Variants in RPA2 observed in about 807,000 individuals in gnomAD.
RPA2 encodes replication protein A 32 kDa subunit.
In RPA2, 22 loss-of-function variants were observed where a neutral mutation model predicts 33.4. The ratio of observed to expected loss-of-function variants is 0.66; its 90% CI spans 0.47 to 0.94. The LOEUF is 0.94. Among genes scored for constraint, RPA2 ranks in the 40% least tolerant of loss-of-function variants. The pLI is 0.00. For synonymous variants in RPA2, 109 were observed against 114.9 expected (o/e 0.95, Z 0.33); for missense variants, 279 against 329.9 (o/e 0.85, Z 1.19).
At chr1:27,899,291 G>A (rs566826045) in intron 4 of RPA2, among the ~76,000 whole-genome samples, 1 of 151,784 alleles carries the variant, frequency 6.6e-6, no homozygotes, top group Non-Finnish European at 1.5e-5. Context: ...GGCGGATCAC[G>A]AGGTCAGGAG....
chr1:27,906,441 C>A (rs7520860), intron 4 of RPA2, among the ~76,000 whole-genome samples: 65,943 of 151,870 alleles, frequency 0.43, 14,877 homozygotes, highest in African/African-American at 0.57. Context: ...GTAATAATCC[C>A]AGCACTTTGG....
At chr1:27,901,702 A>C (rs1441793028) in intron 4 of RPA2, among the ~76,000 whole-genome samples, 1 of 152,192 alleles carries the variant, frequency 6.6e-6, no homozygotes, top group African/African-American at 2.4e-5. Flanking sequence ...AACAAAAAAA[A>C]CAAACTTTGG....
chr1:27,895,719 A>C (rs1055569638), intron 6 of RPA2, among the ~76,000 whole-genome samples: 1 of 152,198 alleles, frequency 6.6e-6, no homozygotes, highest in African/African-American at 2.4e-5. Flanking sequence ...CGAAAGAGCG[A>C]GACTCTGTCT....
At chr1:27,902,354 G>A (rs757637469) in intron 4 of RPA2, among the ~76,000 whole-genome samples, 9 of 148,716 alleles carry the variant, frequency 6.1e-5, no homozygotes, top group East Asian at 2.0e-4. Context: ...GAAGATCTCC[G>A]CTTACTGTAA....
intron 2 of RPA2, among the ~76,000 whole-genome samples, chr1:27,910,142 G>A (rs1485601514): frequency 1.3e-5 from 2 of 152,164 alleles, no homozygotes; most frequent in African/African-American, 4.8e-5. Context: ...AAAGTGGCAA[G>A]AACATGAGGT....
intron 8 of RPA2, among the ~76,000 whole-genome samples, chr1:27,893,711 G>A (rs760027314): frequency 3.3e-5 from 5 of 151,944 alleles, no homozygotes; most frequent in Admixed American, 1.3e-4. Flanking sequence ...GGATTCATGC[G>A]ATTCTCTTGC....
rs1458496368 is a variant in RPA2, at chr1:27,906,944, T to C, written c.317A>G (p.Gln106Arg). ...DMTAAPMDVR[Q>R]WVDTDDTSSE... is the part of the protein sequence containing the mutation. The stretch of plus-strand genomic sequence containing the variant: ...GCCACTTACATCTGTGTCAACCCAC[T>C]GGCGAACGTCCATGGGTGCAGCTGT... The change falls in exon 4 of 9, where the codon CAG (glutamine) becomes CGG (arginine). Residue 106 changes from glutamine (Q) to arginine (R), a missense_variant. Around this residue, in one of 2 missense-constraint regions of RPA2, gnomAD observed 274 missense variants for 310.3 expected, o/e 0.88. Coordinates refer to ENST00000373912, the MANE Select transcript of RPA2 (RefSeq NM_002946.5). The C allele has an allele frequency of 1.9e-6, 3 of 1,612,846 alleles. No individual in the cohort carries two copies. Among genetic ancestry groups the C allele is most frequent in the African/African-American group, 1.3e-5 (1 of 74,874 alleles).
intron 8 of RPA2, among the ~76,000 whole-genome samples, chr1:27,893,467 G>A (rs1450659729): frequency 2.6e-5 from 4 of 151,956 alleles, no homozygotes; most frequent in Non-Finnish European, 5.9e-5. Flanking sequence ...CACTGTGCCC[G>A]GCTAATTTGT....
In RPA2 at chr1:27,906,976, A is replaced by G. The variant is rs1252916167; in HGVS notation, c.285T>C (p.Asp95=). 1.7e-5 allele frequency: 28 copies of G among 1,613,960 alleles called. No individual in the cohort carries two copies. Among genetic ancestry groups the G allele is most frequent in the Non-Finnish European group, 2.3e-5 (27 of 1,180,008 alleles). Residue 95 remains aspartate (D), a synonymous_variant, in exon 4 of 9, where the codon GAT becomes GAC. Coordinates refer to ENST00000373912, the MANE Select transcript of RPA2 (RefSeq NM_002946.5). ...CGTCCATGGGTGCAGCTGTCATGTC[A>G]TCTATTTTGTAAACAATGTTGGTTG... ...KAPTNIVYKI[D]DMTAAPMDVR...
chr1:27,914,028 G>C, intron 2 of RPA2, 35 bp downstream of exon 2: 1 of 1,534,260 alleles, frequency 6.5e-7, no homozygotes, highest in South Asian at 1.3e-5. Flanking sequence ...CTTCAGGACA[G>C]GATAAAACAA....
intron 2 of RPA2, among the ~76,000 whole-genome samples, chr1:27,909,878 T>G (rs2090076872): frequency 6.6e-6 from 1 of 152,220 alleles, no homozygotes; most frequent in African/African-American, 2.4e-5. Flanking sequence ...TAGCTATTAT[T>G]ATATTAGCTA....
chr1:27,909,841 C>T (rs1234377541), intron 2 of RPA2, among the ~76,000 whole-genome samples: 1 of 152,158 alleles, frequency 6.6e-6, no homozygotes, highest in East Asian at 1.9e-4. Flanking sequence ...GAATACTACC[C>T]AGCACAAAGC....
chr1:27,899,656 A>G (rs750005462), intron 4 of RPA2, among the ~76,000 whole-genome samples: 2 of 152,118 alleles, frequency 1.3e-5, no homozygotes, highest in Non-Finnish European at 2.9e-5. Context: ...TTATAATAAA[A>G]GAAACCATAG....
intron 2 of RPA2, among the ~76,000 whole-genome samples, chr1:27,912,230 A>T (rs1040828218): frequency 2.0e-5 from 3 of 152,104 alleles, no homozygotes; most frequent in African/African-American, 7.2e-5. Context: ...TCACATTTAT[A>T]AAATGAAATT....
At chr1:27,893,252 C>T (rs2089846916) in intron 8 of RPA2, among the ~76,000 whole-genome samples, 1 of 152,160 alleles carries the variant, frequency 6.6e-6, no homozygotes, top group South Asian at 2.1e-4. Flanking sequence ...GGCCCATAGT[C>T]TTTTTCCTAT....
intron 4 of RPA2, among the ~76,000 whole-genome samples, chr1:27,903,136 C>T (rs1015410549): frequency 3.3e-5 from 5 of 151,964 alleles, no homozygotes; most frequent in East Asian, 3.9e-4. Context: ...ACCATGTTGG[C>T]GGTGCCGGTC....
Position 27,914,418 on chromosome 1 carries a change from G to C in RPA2, c.10+16C>G. ...TGCGATTCTCTTCCTCCTCCACCCC[G>C]CACCCCCATCATTACTGTTCCACAT... On this transcript the variant is annotated intron_variant, in intron 1 of 8. Transcript: ENST00000373912. 6.2e-7 allele frequency: 1 copy of C among 1,607,836 alleles called. No homozygotes were observed. The highest frequency in any genetic ancestry group is 1.7e-4 in the Middle Eastern group (1 of 6,022).
chr1:27,891,977 C>T lies in RPA2; in HGVS notation c.*186G>A. 1 of 528,024 alleles carries T rather than the reference C, an allele frequency of 1.9e-6. No homozygotes were observed. 32.7% of individuals were successfully genotyped at this position (528,024 alleles called of 1,614,324 possible). A position where few individuals can be genotyped will look rare whatever the true frequency, so the allele number is the denominator to read the frequency against. ...ATCCCTGTCAATTGCCCATCTCCCT[C>T]TGAGCTTCAAACAAAACAAAATAAA... On this transcript the variant is annotated 3_prime_UTR_variant, in exon 9 of 9. Coordinates refer to ENST00000373912, the MANE Select transcript of RPA2 (RefSeq NM_002946.5).
Position 27,891,590 on chromosome 1 carries a change from G to A in RPA2, c.*573C>T, listed in dbSNP as rs148647706. The A allele has an allele frequency of 1.3e-5, 2 of 152,392 alleles. No individual in the cohort carries two copies. The highest frequency in any genetic ancestry group is 4.8e-5 in the African/African-American group (2 of 41,422). 9.4% of individuals were successfully genotyped at this position (152,392 alleles called of 1,614,324 possible). On this transcript the variant is annotated 3_prime_UTR_variant, in exon 9 of 9. Transcript: ENST00000373912. ...TGACTGTATTTATTTTGTACAAAAT[G>A]CAGTAACACTTCTTCTTTTCCTCTG...
Sources: allele counts gnomAD v4.1 joint callset (sites outside exome capture counted in the v4.1 genomes callset), GRCh38; gene constraint gnomAD v4.1.1; regional missense constraint gnomAD v4.1.1; transcripts MANE v1.5; gene names NCBI Gene and HGNC (gene_info 2026-07-23, HGNC 2026-07-21).